RRBP1: variants seen among roughly 807,000 people sequenced by gnomAD.
RRBP1 encodes ribosome-binding protein 1.
A neutral mutation model predicts 165.2 loss-of-function variants in RRBP1; 94 were observed. That is an observed-to-expected ratio of 0.57 (90% confidence interval 0.48 to 0.68). RRBP1 has a LOEUF of 0.68. Among genes scored for constraint, RRBP1 ranks in the 30% least tolerant of loss-of-function variants. The pLI is 0.00. For missense variants in RRBP1, 1,676 were observed against 1,763.0 expected (o/e 0.95, Z 0.88); for synonymous variants, 680 against 714.5 (o/e 0.95, Z 0.77).
Position 17,625,621 on chromosome 20 carries a change from G to C in RRBP1, c.2964-19C>G. On this transcript the variant is annotated intron_variant, in intron 11 of 24. Transcript: ENST00000377813. ...CTTGAGGCTGAAGGGACACAACGAG[G>C]TCACCGCCTAGGCTCCAAGGGGCTA... 6.2e-7 allele frequency: 1 copy of C among 1,607,122 alleles called. No homozygotes were observed. The highest frequency in any genetic ancestry group is 1.7e-5 in the Admixed American group (1 of 60,000).
At chr20:17,614,314 A>C in intron 24 of RRBP1, 94 bp from the exon 25 acceptor site, 1 of 1,229,540 alleles carries the variant, frequency 8.1e-7, no homozygotes, top group Non-Finnish European at 1.2e-6. Flanking sequence ...CCCTCCCTGG[A>C]TTGACCCCCT....
rs1361624731 is a variant in RRBP1, at chr20:17,654,836, T to C, written c.1912+3760A>G. Reference sequence around the variant, plus strand: ...GGCAGAGGCCTGCGGTGCTGAGCTATGTCCAGAGACAGCAAGCAGGAGCAG... The same window carrying C: ...GGCAGAGGCCTGCGGTGCTGAGCTACGTCCAGAGACAGCAAGCAGGAGCAG... On this transcript the variant is annotated intron_variant, in intron 3 of 24. Coordinates refer to ENST00000377813, the MANE Select transcript of RRBP1 (RefSeq NM_001365613.2). Among the ~76,000 whole-genome samples the C allele has an allele frequency of 3.3e-5, 5 of 152,358 alleles. No individual in the cohort carries two copies. The East Asian group carries it at 5.8e-4, about 18-fold the overall frequency.
chr20:17,627,302 C>T, intron 11 of RRBP1, 46 bp downstream of exon 11: 2 of 1,605,300 alleles, frequency 1.2e-6, no homozygotes, highest in Middle Eastern at 2.2e-4. Flanking sequence ...CTTTGGTCCC[C>T]CGGGCTGAGG....
At chr20:17,656,672 C>T (rs1453683444) in intron 3 of RRBP1, among the ~76,000 whole-genome samples, 1 of 152,148 alleles carries the variant, frequency 6.6e-6, no homozygotes, top group South Asian at 2.1e-4. Context: ...CTTCTAAAAT[C>T]CACTGTAAAA....
At chr20:17,642,051 G>GGA in intron 4 of RRBP1, 132 bp from the exon 5 acceptor site, 1 of 1,006,518 alleles carries the variant, frequency 9.9e-7, no homozygotes. Context: ...GTTCCACTGG[G>GGA]ACTCCAGATA....
At chr20:17,627,747 C>T (rs1336666060) in intron 9 of RRBP1, 65 bp from the exon 10 acceptor site, 9 of 1,466,450 alleles carry the variant, frequency 6.1e-6, no homozygotes, top group African/African-American at 1.4e-5. Context: ...TGGAGGATGC[C>T]CTCACTGCTG....
chr20:17,635,248 G>C (rs1449455059), intron 7 of RRBP1, among the ~76,000 whole-genome samples: 3 of 152,222 alleles, frequency 2.0e-5, no homozygotes, highest in Non-Finnish European at 4.4e-5. Context: ...CGCTAGGCAG[G>C]TGGGTGCTGG....
chr20:17,658,006 C>T (rs1230428474), intron 3 of RRBP1, among the ~76,000 whole-genome samples: 2 of 152,192 alleles, frequency 1.3e-5, no homozygotes, highest in Non-Finnish European at 2.9e-5. Flanking sequence ...AAAGACTTGC[C>T]AACACGCAGA....
chr20:17,667,097 A>G (rs948759229), intron 2 of RRBP1, among the ~76,000 whole-genome samples: 1 of 152,220 alleles, frequency 6.6e-6, no homozygotes. Context: ...TGATCTTGGT[A>G]TTAGGGTCTC....
At chr20:17,673,125 T>C (rs924584580) in intron 2 of RRBP1, among the ~76,000 whole-genome samples, 5 of 152,190 alleles carry the variant, frequency 3.3e-5, no homozygotes, top group African/African-American at 9.7e-5. Context: ...TATTTTACTT[T>C]AATAAAGAGT....
At chr20:17,639,955 A>G (rs1415962061) in intron 5 of RRBP1, among the ~76,000 whole-genome samples, 1 of 152,118 alleles carries the variant, frequency 6.6e-6, no homozygotes, top group Non-Finnish European at 1.5e-5. Flanking sequence ...GACTCTCAAC[A>G]GAGAGCACGA....
At chr20:17,666,856 A>G (rs1022463533) in intron 2 of RRBP1, among the ~76,000 whole-genome samples, 2 of 88,040 alleles carry the variant, frequency 2.3e-5, no homozygotes, top group African/African-American at 3.9e-5. Context: ...ATTGAGTATT[A>G]GATTTTACCA....
At chr20:17,633,851 A>G (rs373761467) in intron 7 of RRBP1, among the ~76,000 whole-genome samples, 1 of 152,252 alleles carries the variant, frequency 6.6e-6, no homozygotes, top group East Asian at 1.9e-4. Flanking sequence ...AATGTGCACT[A>G]AAGCATCCCA....
chr20:17,628,374 C>A (rs1369323945), intron 9 of RRBP1, among the ~76,000 whole-genome samples: 3 of 152,224 alleles, frequency 2.0e-5, no homozygotes, highest in South Asian at 2.1e-4. Flanking sequence ...CGAGCCCACA[C>A]CCGCCATCTG....
rs762480828 is a variant in RRBP1, at chr20:17,660,211, T to C, written c.297A>G (p.Pro99=). 2.5e-6 allele frequency: 4 copies of C among 1,613,846 alleles called. No individual in the cohort carries two copies. In the South Asian group the frequency reaches 4.4e-5, roughly 18 times the overall value. The change falls in exon 3 of 25, where the codon CCA becomes CCG. Residue 99 remains proline, a synonymous_variant. Transcript: ENST00000377813. The part of the protein sequence containing the change: ...APNVTVLLRE[P]VRAPAVAVAP... ...CCACAGCCACAGCAGGAGCCCGCAC[T>C]GGTTCTCGAAGGAGGACAGTCACAT... is the stretch of plus-strand genomic sequence containing the variant.
At chr20:17,630,546 C>T (rs149154684) in intron 8 of RRBP1, among the ~76,000 whole-genome samples, 2 of 152,208 alleles carry the variant, frequency 1.3e-5, no homozygotes, top group Non-Finnish European at 2.9e-5. Context: ...GACAGACAGG[C>T]CCACCACACC....
chr20:17,631,625 G>C (rs893198803), intron 8 of RRBP1, among the ~76,000 whole-genome samples: 3 of 152,244 alleles, frequency 2.0e-5, no homozygotes, highest in African/African-American at 7.2e-5. Flanking sequence ...GGCCCTCCTG[G>C]ATTTCTAAGA....
intron 3 of RRBP1, among the ~76,000 whole-genome samples, chr20:17,644,769 C>T (rs189381598): frequency 5.9e-5 from 9 of 151,806 alleles, no homozygotes; most frequent in Non-Finnish European, 1.2e-4. Context: ...GGAAAGTACA[C>T]GTGGAATTTA....
intron 3 of RRBP1, among the ~76,000 whole-genome samples, chr20:17,653,573 C>T (rs1479244822): frequency 2.6e-5 from 4 of 152,330 alleles, no homozygotes; most frequent in Admixed American, 2.6e-4. Flanking sequence ...CGGTGGCTCA[C>T]GCCTATAACC....
Sources: allele counts gnomAD v4.1 joint callset (sites outside exome capture counted in the v4.1 genomes callset), GRCh38; gene constraint gnomAD v4.1.1; transcripts MANE v1.5; gene names NCBI Gene and HGNC (gene_info 2026-07-23, HGNC 2026-07-21).